Variants in C1QTNF3 observed in about 807,000 individuals in gnomAD.
C1QTNF3 encodes complement C1q tumor necrosis factor-related protein 3.
C1QTNF3 carries 26 observed loss-of-function variants against 32.6 expected under a neutral mutation model. The observed-to-expected ratio is 0.80, with a 90% CI of 0.58 to 1.11. C1QTNF3 has a LOEUF of 1.11. Among genes scored for constraint, C1QTNF3 ranks in the 50% least tolerant of loss-of-function variants. The pLI is 0.00. For synonymous variants in C1QTNF3, 155 were observed against 146.0 expected, an observed-to-expected ratio of 1.06 and a Z score of -0.44; for missense variants, 362 against 398.2, an observed-to-expected ratio of 0.91 and a Z score of 0.77.
At chr5:34,225,355 C>T in the C1QTNF3 span, among the ~76,000 whole-genome samples, 5 of 152,028 alleles carry the variant, frequency 3.3e-5, no homozygotes, top group Admixed American at 6.6e-5. Flanking sequence ...AATATCTCTA[C>T]ACAATCCTTT....
the C1QTNF3 span, among the ~76,000 whole-genome samples, chr5:34,060,385 T>C: frequency 2.0e-5 from 3 of 152,324 alleles, no homozygotes; most frequent in Non-Finnish European, 2.9e-5. Flanking sequence ...GTTACTGTAG[T>C]GAAGATCATA....
At chr5:34,123,055 T>C in the C1QTNF3 span, among the ~76,000 whole-genome samples, 1 of 151,466 alleles carries the variant, frequency 6.6e-6, no homozygotes, top group African/African-American at 2.4e-5. Context: ...GAAGTGTGTA[T>C]TTCACCCAGG....
At chr5:34,219,147 T>C in the C1QTNF3 span, among the ~76,000 whole-genome samples, 1 of 152,132 alleles carries the variant, frequency 6.6e-6, no homozygotes, top group Non-Finnish European at 1.5e-5. Flanking sequence ...TTAAAGAGGA[T>C]ATGTATTTGC....
chr5:34,075,827 T>C, the C1QTNF3 span, among the ~76,000 whole-genome samples: 8 of 150,990 alleles, frequency 5.3e-5, no homozygotes, highest in Non-Finnish European at 1.0e-4. Flanking sequence ...AGCCAAAAGA[T>C]GGAAGGACCC....
At chr5:34,041,168 A>G (rs761705397) in intron 1 of C1QTNF3, among the ~76,000 whole-genome samples, 36 of 152,078 alleles carry the variant, frequency 2.4e-4, no homozygotes, top group Non-Finnish European at 5.1e-4. Flanking sequence ...TAGGGAAAGA[A>G]GGAAGAACAT....
the C1QTNF3 span, among the ~76,000 whole-genome samples, chr5:34,176,354 GTAAC>G: frequency 6.7e-6 from 1 of 150,334 alleles, no homozygotes; most frequent in East Asian, 2.0e-4. Context: ...GTATACGTAT[GTAAC>G]TAACATGCAC....
intron 3 of C1QTNF3, 166 bp from the exon 4 acceptor site, chr5:34,029,049 C>A (rs1754546950): frequency 4.1e-6 from 2 of 493,638 alleles, no homozygotes. Flanking sequence ...CATTTGAATG[C>A]TATGCAGCCA....
rs1579599835 is a variant in C1QTNF3, at chr5:34,026,455, G to T, written c.700+2299C>A. ...CAGTGGCCAATCTCAAAATCTGCCAGCAAAAAAAAAAAAAAAAAGAAAAGA... is the reference window on the plus strand; with the variant it reads ...CAGTGGCCAATCTCAAAATCTGCCATCAAAAAAAAAAAAAAAAAGAAAAGA... On this transcript the variant is annotated intron_variant, in intron 4 of 5. Coordinates refer to ENST00000382065, the MANE Select transcript of C1QTNF3 (RefSeq NM_181435.6). Among the ~76,000 whole-genome samples, 9 of 72,390 alleles carry T rather than the reference G, an allele frequency of 1.2e-4. No homozygotes were observed. The South Asian group carries it at 5.3e-3, about 43-fold the overall frequency. 47.5% of individuals were successfully genotyped at this position (72,390 alleles called of 152,430 possible). A position where few individuals can be genotyped will look rare whatever the true frequency, so the allele number is the denominator to read the frequency against.
chr5:34,182,518 T>TAAAA, the C1QTNF3 span, among the ~76,000 whole-genome samples: 37 of 123,102 alleles, frequency 3.0e-4, no homozygotes, highest in South Asian at 1.4e-3. Flanking sequence ...AATAAATAAA[T>TAAAA]AAAAAATCTG....
rs745905846 is a variant in C1QTNF3 at position 34,019,338 on chromosome 5, A to G, written c.*1245T>C. The G allele has an allele frequency of 2.0e-5, 3 of 152,216 alleles. No individual in the cohort carries two copies. Among genetic ancestry groups the G allele is most frequent in the Admixed American group, 6.5e-5 (1 of 15,288 alleles). 9.4% of individuals were successfully genotyped at this position (152,216 alleles called of 1,614,324 possible). A position where few individuals can be genotyped will look rare whatever the true frequency, so the allele number is the denominator to read the frequency against. ...CATCTCTGTTGTGAATCAATTTCCC[A>G]CACACCTGGGACTTGTTGCCTACAA... On this transcript the variant is annotated 3_prime_UTR_variant, in exon 6 of 6. Transcript: ENST00000382065.
chr5:34,202,657 T>C, the C1QTNF3 span, among the ~76,000 whole-genome samples: 1 of 152,052 alleles, frequency 6.6e-6, no homozygotes, highest in African/African-American at 2.4e-5. Context: ...TATGCTTATG[T>C]TAATTGATAT....
the C1QTNF3 span, among the ~76,000 whole-genome samples, chr5:34,195,483 TCAA>T: frequency 6.6e-6 from 1 of 151,370 alleles, no homozygotes; most frequent in Admixed American, 6.6e-5. Flanking sequence ...CAGATTTACA[TCAA>T]CAAGTGTAAT....
At chr5:34,227,734 C>A in the C1QTNF3 span, among the ~76,000 whole-genome samples, 2 of 151,934 alleles carry the variant, frequency 1.3e-5, no homozygotes, top group African/African-American at 4.8e-5. Context: ...GCTTTTCTGG[C>A]ACAATGAGGA....
chr5:34,036,807 C>T (rs1754753098), intron 1 of C1QTNF3, among the ~76,000 whole-genome samples: 1 of 152,072 alleles, frequency 6.6e-6, no homozygotes. Flanking sequence ...CAAAAATTAG[C>T]CAGGCATGCT....
chr5:34,091,843 T>C, the C1QTNF3 span, among the ~76,000 whole-genome samples: 5 of 151,966 alleles, frequency 3.3e-5, no homozygotes, highest in South Asian at 6.2e-4. Flanking sequence ...TTTGTAATTA[T>C]TTTTTATATG....
intron 2 of C1QTNF3, among the ~76,000 whole-genome samples, chr5:34,034,036 G>A (rs1754679375): frequency 6.6e-6 from 1 of 152,128 alleles, no homozygotes; most frequent in African/African-American, 2.4e-5. Flanking sequence ...GAGTGGTGGT[G>A]CACACCTGTA....
the C1QTNF3 span, chr5:34,167,361 T>C: frequency 6.6e-6 from 1 of 152,224 alleles, no homozygotes; most frequent in African/African-American, 2.4e-5. Flanking sequence ...TCTTTCGACA[T>C]CTATTTCTAC....
At chr5:34,201,586 C>T in the C1QTNF3 span, among the ~76,000 whole-genome samples, 3 of 152,018 alleles carry the variant, frequency 2.0e-5, no homozygotes, top group African/African-American at 7.2e-5. Flanking sequence ...GTGTTCCAGA[C>T]CTACAAAACT....
At chr5:34,206,089 G>A in the C1QTNF3 span, among the ~76,000 whole-genome samples, 1 of 152,084 alleles carries the variant, frequency 6.6e-6, no homozygotes, top group Non-Finnish European at 1.5e-5. Flanking sequence ...ATTATATTTG[G>A]ATTATGCCCA....
Sources: allele counts gnomAD v4.1 joint callset (sites outside exome capture counted in the v4.1 genomes callset), GRCh38; gene constraint gnomAD v4.1.1; transcripts MANE v1.5; gene names NCBI Gene and HGNC (gene_info 2026-07-23, HGNC 2026-07-21).